The following SYTL1 variants were observed in gnomAD, a reference collection of about 807,000 sequenced individuals.
SYTL1 encodes the protein synaptotagmin like 1.
SYTL1 carries 53 observed loss-of-function variants against 74.6 expected under a neutral mutation model. The ratio of observed to expected loss-of-function variants is 0.71; its 90% confidence interval spans 0.57 to 0.89. The LOEUF is 0.89. Ranked by LOEUF, SYTL1 falls within the 40% of genes least tolerant of loss-of-function variation. SYTL1 has a pLI of 0.00. For missense variants in SYTL1, 728 were observed against 768.7 expected (o/e 0.95, Z 0.63); for synonymous variants, 329 against 324.9 (o/e 1.01, Z -0.14).
chr1:27,346,645 C>T (rs1245093347), intron 2 of SYTL1, among the ~76,000 whole-genome samples: 1 of 151,938 alleles, frequency 6.6e-6, no homozygotes, highest in Non-Finnish European at 1.5e-5. Flanking sequence ...GCCTGTAGTC[C>T]CAGCTATTTA....
In SYTL1 at chr1:27,351,668, T is replaced by A; in HGVS notation, c.1343+113T>A. On this transcript the variant is annotated intron_variant, in intron 13 of 14. Transcript: ENST00000616558. This position sits in a 1 kb window ranked among gnomAD's most constrained non-coding sequence, Gnocchi z 5.0. The stretch of plus-strand genomic sequence containing the variant: ...ATCACGCAGCCTGGGCTTTCACCAC[T>A]GAGCAGGGGTGAAGGGGACGGTTTG... The A allele has an allele frequency of 1.4e-6, 1 of 690,714 alleles. No individual in the cohort carries two copies. Among genetic ancestry groups the A allele is most frequent in the Non-Finnish European group, 2.4e-6 (1 of 422,290 alleles). 42.8% of individuals were successfully genotyped at this position (690,714 alleles called of 1,614,324 possible).
Position 27,347,514 on chromosome 1 carries a change from CCACTTCGGCT to C in SYTL1, c.287_296del (p.His96LeufsTer30). The C allele has an allele frequency of 6.2e-7, 1 of 1,614,104 alleles. No homozygotes were observed. Among genetic ancestry groups the C allele is most frequent in the Non-Finnish European group, 8.5e-7 (1 of 1,180,050 alleles). ...CACGCTCCCAGCGGCACCACAATGC[CCACTTCGGCT>C]CTGACCTTGTCCGAGCGTCTATGCG... On this transcript the variant is annotated frameshift_variant, in exon 3 of 15. Transcript: ENST00000616558. LOFTEE classifies it high-confidence loss of function. This position sits in a 1 kb window ranked among gnomAD's most constrained non-coding sequence, Gnocchi z 4.9.
At position 27,347,145 on chromosome 1, in the gene SYTL1, T is replaced by A. The variant is rs1450524515; in HGVS notation, c.192-276T>A. On this transcript the variant is annotated intron_variant, in intron 2 of 14. Transcript: ENST00000616558. The surrounding 1 kb of genome is among the most constrained non-coding windows in gnomAD (Gnocchi z 4.9). ...CAAAATAATTAAGTAAATAAATAAATAAAGGCAATTCAAATGTCACCTCCT... is the reference window on the plus strand; with the variant it reads ...CAAAATAATTAAGTAAATAAATAAAAAAAGGCAATTCAAATGTCACCTCCT... Among the ~76,000 whole-genome samples the A allele has an allele frequency of 6.6e-6, 1 of 152,068 alleles. No homozygotes were observed. Among genetic ancestry groups the A allele is most frequent in the Non-Finnish European group, 1.5e-5 (1 of 68,006 alleles).
rs2148033323 is a variant in SYTL1 at position 27,348,862 on chromosome 1, T to C, written c.460-218T>C. Among the ~76,000 whole-genome samples, 1 of 152,224 alleles carries C rather than the reference T, an allele frequency of 6.6e-6. No individual in the cohort carries two copies. Among genetic ancestry groups the C allele is most frequent in the Middle Eastern group, 3.4e-3 (1 of 294 alleles). ...ACTCAGGTACGAATGACCCCACCAA[T>C]GGGAGTAGGGAGTCAGGCGGCACAA... On this transcript the variant is annotated intron_variant, in intron 5 of 14. Coordinates refer to ENST00000616558, the MANE Select transcript of SYTL1 (RefSeq NM_001193308.2). This position sits in a 1 kb window ranked among gnomAD's most constrained non-coding sequence, Gnocchi z 4.1.
Position 27,351,261 on chromosome 1 carries a change from C to G in SYTL1, c.1168C>G (p.Pro390Ala), listed in dbSNP as rs771091456. Residue 390 changes from proline (P) to alanine (A), a missense_variant, in exon 12 of 15, where the codon CCA becomes GCA. Transcript: ENST00000616558. The surrounding 1 kb of genome is among the most constrained non-coding windows in gnomAD (Gnocchi z 5.0). ...PTWLPLQPRV[P>A]PSPDDLPSRG... ...ACGATAAGCCCGCCTCTCGCAGGTC[C>G]CACCCTCTCCCGACGACCTTCCGAG... 1 of 1,558,214 alleles carries G rather than the reference C, an allele frequency of 6.4e-7. No homozygotes were observed. Among genetic ancestry groups the G allele is most frequent in the Non-Finnish European group, 8.7e-7 (1 of 1,152,290 alleles).
rs973165825 is a variant in SYTL1 at position 27,347,644 on chromosome 1, G to GA, written c.340+76dup. On this transcript the variant is annotated intron_variant, in intron 3 of 14. Coordinates refer to ENST00000616558, the MANE Select transcript of SYTL1 (RefSeq NM_001193308.2). The surrounding 1 kb of genome is among the most constrained non-coding windows in gnomAD (Gnocchi z 4.9). ...TGGCTGTATGTGGACAGGGAGAGAG[G>GA]ACCACTAGGGCTCCAGTCCTGGCTG... 3 of 1,512,288 alleles carry GA rather than the reference G, an allele frequency of 2.0e-6. No individual in the cohort carries two copies. In the African/African-American group the frequency reaches 4.2e-5, roughly 21 times the overall value. The allele number at this position is 1,512,288 out of a possible 1,614,324, so 93.7% of individuals were successfully genotyped here.
chr1:27,345,318 G>T lies in SYTL1; in HGVS notation c.-17G>T. 6.8e-7 allele frequency: 1 copy of T among 1,465,220 alleles called. No homozygotes were observed. The highest frequency in any genetic ancestry group is 1.4e-5 in the South Asian group (1 of 72,942). The allele number at this position is 1,465,220 out of a possible 1,614,324, so 90.8% of individuals were successfully genotyped here. A position where few individuals can be genotyped will look rare whatever the true frequency, so the allele number is the denominator to read the frequency against. ...CCAGGAAGCTCCGTGTGCCCAGCTG[G>T]GGCACAGCCCCAGCTGATGCCCCAG... On this transcript the variant is annotated 5_prime_UTR_variant, in exon 2 of 15. Transcript: ENST00000616558. The surrounding 1 kb of genome is among the most constrained non-coding windows in gnomAD (Gnocchi z 6.0).
rs1414955960 is a variant in SYTL1 at position 27,351,472 on chromosome 1, G to A, written c.1260G>A (p.Pro420=). 1.3e-6 allele frequency: 2 copies of A among 1,544,664 alleles called. No individual in the cohort carries two copies. Among genetic ancestry groups the A allele is most frequent in the Non-Finnish European group, 1.7e-6 (2 of 1,144,164 alleles). ...TCTCCGCAGGCGCAGGACTGCCCCCGAGCGGGGAGCTGCACTTCTGGGTGA... is the reference window on the plus strand; with the variant it reads ...TCTCCGCAGGCGCAGGACTGCCCCCAAGCGGGGAGCTGCACTTCTGGGTGA... ...PAGSEGAGLP[P]SGELHFWVKE... Residue 420 remains proline (P), a synonymous_variant, in exon 13 of 15, where the codon CCG becomes CCA. Transcript: ENST00000616558. The surrounding 1 kb of genome is among the most constrained non-coding windows in gnomAD (Gnocchi z 5.0).
At chr1:27,346,946 C>T (rs566054763) in intron 2 of SYTL1, among the ~76,000 whole-genome samples, 96 of 151,386 alleles carry the variant, frequency 6.3e-4, no homozygotes, top group African/African-American at 2.1e-3. Context: ...GGAAAAGCCC[C>T]GTCTCTACAA....
chr1:27,350,657 G>C lies in SYTL1; in HGVS notation c.1006-137G>C, dbSNP rs909169422. The C allele has an allele frequency of 3.5e-6, 4 of 1,139,684 alleles. No homozygotes were observed. The African/African-American group carries it at 6.2e-5, about 18-fold the overall frequency. 70.6% of individuals were successfully genotyped at this position (1,139,684 alleles called of 1,614,324 possible). ...TCGTGGTGGGCGTGGTGATAGTGCA[G>C]GTCCCCATTAATGCCCTTAGGGGCT... On this transcript the variant is annotated intron_variant, in intron 10 of 14. Coordinates refer to ENST00000616558, the MANE Select transcript of SYTL1 (RefSeq NM_001193308.2). The surrounding 1 kb of genome is among the most constrained non-coding windows in gnomAD (Gnocchi z 6.3).
chr1:27,351,118 G>A lies in SYTL1; in HGVS notation c.1165-140G>A. On this transcript the variant is annotated intron_variant, in intron 11 of 14. Coordinates refer to ENST00000616558, the MANE Select transcript of SYTL1 (RefSeq NM_001193308.2). The surrounding 1 kb of genome is among the most constrained non-coding windows in gnomAD (Gnocchi z 5.0). ...CCCGGCCGGCCACGGCCCCTTCCCC[G>A]AGGGCGCTAGGACCCCTAGGTTCTG... The A allele has an allele frequency of 7.6e-7, 1 of 1,313,780 alleles. No homozygotes were observed. Among genetic ancestry groups the A allele is most frequent in the South Asian group, 1.4e-5 (1 of 71,320 alleles). 81.4% of individuals were successfully genotyped at this position (1,313,780 alleles called of 1,614,324 possible). A position where few individuals can be genotyped will look rare whatever the true frequency, so the allele number is the denominator to read the frequency against.
chr1:27,349,788 C>A, intron 8 of SYTL1, 23 bp downstream of exon 8: 1 of 1,572,778 alleles, frequency 6.4e-7, no homozygotes, highest in Non-Finnish European at 8.6e-7. Context: ...GGAGGGGACC[C>A]GGGCGGCCGG....
In SYTL1 at chr1:27,351,258, G is replaced by A. The variant is rs749644010; in HGVS notation, c.1165G>A (p.Val389Ile). ...TCCACGATAAGCCCGCCTCTCGCAGGTCCCACCCTCTCCCGACGACCTTCC... is the reference window on the plus strand; with the variant it reads ...TCCACGATAAGCCCGCCTCTCGCAGATCCCACCCTCTCCCGACGACCTTCC... ...EPTWLPLQPR[V>I]PPSPDDLPSR... Residue 389 changes from valine (V) to isoleucine (I), a missense_variant and splice_region_variant, in exon 12 of 15, where the codon GTC becomes ATC. Val to Ile is a conservative substitution (Grantham distance 29, BLOSUM62 3). Transcript: ENST00000616558. This position sits in a 1 kb window ranked among gnomAD's most constrained non-coding sequence, Gnocchi z 5.0. The A allele has an allele frequency of 6.4e-7, 1 of 1,557,538 alleles. No homozygotes were observed. Among genetic ancestry groups the A allele is most frequent in the South Asian group, 1.2e-5 (1 of 84,500 alleles).
chr1:27,353,542 G>A, intron 14 of SYTL1, 54 bp downstream of exon 14: 1 of 1,557,664 alleles, frequency 6.4e-7, no homozygotes, highest in Non-Finnish European at 8.7e-7. Context: ...GGGAGATGGG[G>A]GCTCAGTGTG....
At chr1:27,349,909 C>T (rs1476346389) in intron 8 of SYTL1, 63 bp from the exon 9 acceptor site, 3 of 1,546,876 alleles carry the variant, frequency 1.9e-6, no homozygotes, top group Non-Finnish European at 2.6e-6. Flanking sequence ...AGCCTCCGCG[C>T]TGCCCGCGGC....
rs757935917 is a variant in SYTL1 at position 27,347,866 on chromosome 1, G to A, written c.399G>A (p.Glu133=). 1.9e-6 allele frequency: 3 copies of A among 1,614,006 alleles called. No individual in the cohort carries two copies. The highest frequency in any genetic ancestry group is 1.3e-5 in the African/African-American group (1 of 74,952). ...AGGCTGCTGTGAAAGAGAAGGAAGA[G>A]GGGCCAGAGCCCAGGTGAGGAGGAG... ...EAEAAVKEKE[E]GPEPRLTIDE... The change falls in exon 4 of 15, where the codon GAG becomes GAA. Residue 133 remains glutamate (E), a synonymous_variant. Transcript: ENST00000616558. The surrounding 1 kb of genome is among the most constrained non-coding windows in gnomAD (Gnocchi z 4.9).
intron 6 of SYTL1, 76 bp from the exon 7 acceptor site, chr1:27,349,322 T>C: frequency 1.4e-6 from 2 of 1,449,722 alleles, no homozygotes; most frequent in South Asian, 1.5e-5. Flanking sequence ...CTCGCTGGGG[T>C]TGTAAACCAG....
rs1188807978 is a variant in SYTL1 at position 27,348,702 on chromosome 1, T to C, written c.460-378T>C. On this transcript the variant is annotated intron_variant, in intron 5 of 14. Transcript: ENST00000616558. The surrounding 1 kb of genome is among the most constrained non-coding windows in gnomAD (Gnocchi z 4.1). ...AGCCTGGGCAACAAGAGTGAAACTC[T>C]GTCTCAATTAAAAATAATAAGAATA... Among the ~76,000 whole-genome samples the C allele has an allele frequency of 1.3e-5, 2 of 152,072 alleles. No individual in the cohort carries two copies. The highest frequency in any genetic ancestry group is 4.8e-5 in the African/African-American group (2 of 41,392).
Position 27,349,985 on chromosome 1 carries a change from A to C in SYTL1, c.761A>C (p.Gln254Pro). 1 of 1,573,088 alleles carries C rather than the reference A, an allele frequency of 6.4e-7. No individual in the cohort carries two copies. The highest frequency in any genetic ancestry group is 8.6e-7 in the Non-Finnish European group (1 of 1,168,590). The change falls in exon 9 of 15, where the codon CAG becomes CCG. Residue 254 changes from glutamine to proline, a missense_variant. Coordinates refer to ENST00000616558, the MANE Select transcript of SYTL1 (RefSeq NM_001193308.2). ...TCCCGTCCGCAGCTGAGCGGCAGCC[A>C]GATGAGCCTGTCAGGCGACGCGGAG... is the stretch of plus-strand genomic sequence containing the variant. ...SLNSSTLSGS[Q>P]MSLSGDAEAV...
Sources: allele counts gnomAD v4.1 joint callset (sites outside exome capture counted in the v4.1 genomes callset), GRCh38; gene constraint gnomAD v4.1.1; non-coding constraint Gnocchi (gnomAD v3.1); transcripts MANE v1.5; gene names NCBI Gene and HGNC (gene_info 2026-07-23, HGNC 2026-07-21).